Variants in TRAPPC8 observed in about 807,000 individuals in gnomAD.
TRAPPC8 encodes trafficking protein particle complex subunit 8, also known as general sporulation gene 1 homolog.
TRAPPC8 carries 54 observed loss-of-function variants against 174.3 expected under a neutral mutation model. The observed-to-expected ratio is 0.31, with a 90% CI of 0.25 to 0.39. The LOEUF is 0.39. TRAPPC8 is among the 10% of genes least tolerant of loss of function. The pLI is 1.00. For synonymous variants in TRAPPC8, 630 were observed against 579.9 expected (o/e 1.09, Z -1.24); for missense variants, 1,531 against 1,699.1 (o/e 0.90, Z 1.74).
intron 24 of TRAPPC8, 48 bp from the exon 25 acceptor site, chr18:31,849,787 G>A: frequency 6.7e-7 from 1 of 1,490,272 alleles, no homozygotes; most frequent in Non-Finnish European, 8.9e-7. Context: ...TAATTATGTT[G>A]TCAAAATTTA....
At chr18:31,875,755 T>C (rs2035110668) in intron 12 of TRAPPC8, among the ~76,000 whole-genome samples, 1 of 152,132 alleles carries the variant, frequency 6.6e-6, no homozygotes, top group African/African-American at 2.4e-5. Flanking sequence ...AGTATTGCAA[T>C]AAGAATGCAA....
Position 31,871,136 on chromosome 18 carries a change from TAAC to T in TRAPPC8, c.2063-19_2063-17del, listed in dbSNP as rs772373880. The T allele has an allele frequency of 3.2e-4, 471 of 1,485,366 alleles. No homozygotes were observed. Among genetic ancestry groups the T allele is most frequent in the Non-Finnish European group, 3.8e-4 (421 of 1,101,582 alleles). 92.0% of individuals were successfully genotyped at this position (1,485,366 alleles called of 1,614,324 possible). A position where few individuals can be genotyped will look rare whatever the true frequency, so the allele number is the denominator to read the frequency against. On this transcript the variant is annotated splice_polypyrimidine_tract_variant and intron_variant, in intron 14 of 28. Coordinates refer to ENST00000283351, the MANE Select transcript of TRAPPC8 (RefSeq NM_014939.5). Reference sequence around the variant, plus strand: ...TGTTTTTCACCTAAAAAAAATTTGTTAACAACACGTTTATGAAGACTTGCCCTC... The same window carrying T: ...TGTTTTTCACCTAAAAAAAATTTGTTAACACGTTTATGAAGACTTGCCCTC...
At position 31,923,980 on chromosome 18, in the gene TRAPPC8, C is replaced by T. The variant is rs551574193; in HGVS notation, c.353-6313G>A. 3.3e-5 allele frequency among the ~76,000 whole-genome samples: 5 copies of T among 152,022 alleles called. No individual in the cohort carries two copies. In the South Asian group the frequency reaches 1.0e-3, roughly 32 times the overall value. ...TGGCCAACATGGCAAAACTCTGCCT[C>T]TACTAAAAAAATACAAAAATTAGCC... On this transcript the variant is annotated intron_variant, in intron 2 of 28. Transcript: ENST00000283351.
rs1598699373 is a variant in TRAPPC8, at chr18:31,897,944, C to T, written c.1491-53G>A. The T allele has an allele frequency of 1.4e-5, 21 of 1,459,184 alleles. No homozygotes were observed. In the South Asian group the frequency reaches 2.4e-4, roughly 16 times the overall value. 90.4% of individuals were successfully genotyped at this position (1,459,184 alleles called of 1,614,324 possible). On this transcript the variant is annotated intron_variant, in intron 10 of 28. Transcript: ENST00000283351. Reference sequence around the variant, plus strand: ...ATAGCACAATAATACCTTAGCACATCAAAGTAAATGTGTTCAGCAAAAGAT... The same window carrying T: ...ATAGCACAATAATACCTTAGCACATTAAAGTAAATGTGTTCAGCAAAAGAT...
At chr18:31,878,092 G>T (rs1377283722) in intron 12 of TRAPPC8, among the ~76,000 whole-genome samples, 1 of 152,110 alleles carries the variant, frequency 6.6e-6, no homozygotes, top group Non-Finnish European at 1.5e-5. Flanking sequence ...CATTTTGGTG[G>T]CAGCTGCCCG....
intron 12 of TRAPPC8, among the ~76,000 whole-genome samples, chr18:31,877,397 G>A (rs1282126644): frequency 6.6e-6 from 1 of 151,928 alleles, no homozygotes; most frequent in Non-Finnish European, 1.5e-5. Context: ...CAGATCACAA[G>A]GTCAGGAGAT....
In TRAPPC8 at chr18:31,936,987, T is replaced by A. The variant is rs565171140; in HGVS notation, c.158-5464A>T. 2.4e-5 allele frequency among the ~76,000 whole-genome samples: 3 copies of A among 127,482 alleles called. No homozygotes were observed. In the South Asian group the frequency reaches 7.7e-4, roughly 33 times the overall value. 83.6% of individuals were successfully genotyped at this position (127,482 alleles called of 152,430 possible). Reference sequence around the variant, plus strand: ...CAACACTTTGGGAGGCCAAGGCGGGTGGATCACGAGGTCAGGAGATCAAGA... The same window carrying A: ...CAACACTTTGGGAGGCCAAGGCGGGAGGATCACGAGGTCAGGAGATCAAGA... On this transcript the variant is annotated intron_variant, in intron 1 of 28. Coordinates refer to ENST00000283351, the MANE Select transcript of TRAPPC8 (RefSeq NM_014939.5).
chr18:31,876,422 G>A (rs752118467), intron 12 of TRAPPC8, among the ~76,000 whole-genome samples: 2 of 142,900 alleles, frequency 1.4e-5, no homozygotes, highest in African/African-American at 2.7e-5. Context: ...CCTAGGAGGC[G>A]GAGCTTACAG....
Position 31,829,541 on chromosome 18 carries a change from C to CA in TRAPPC8, c.*1213dup, listed in dbSNP as rs2144889637. On this transcript the variant is annotated 3_prime_UTR_variant, in exon 29 of 29. Coordinates refer to ENST00000283351, the MANE Select transcript of TRAPPC8 (RefSeq NM_014939.5). ...TAAGCAGCAGTTGCAGAGAGGCACACAGACTAGCCACCCATCTCTCAAGAA... is the reference window on the plus strand; with the variant it reads ...TAAGCAGCAGTTGCAGAGAGGCACACAAGACTAGCCACCCATCTCTCAAGAA... 1 of 152,414 alleles carries CA rather than the reference C, an allele frequency of 6.6e-6. No homozygotes were observed. The highest frequency in any genetic ancestry group is 2.1e-4 in the South Asian group (1 of 4,832). 9.4% of individuals were successfully genotyped at this position (152,414 alleles called of 1,614,324 possible). A position where few individuals can be genotyped will look rare whatever the true frequency, so the allele number is the denominator to read the frequency against.
At position 31,834,001 on chromosome 18, in the gene TRAPPC8, C is replaced by CAAAAAAAA. The variant is rs35469149; in HGVS notation, c.3984-1836_3984-1829dup. On this transcript the variant is annotated intron_variant, in intron 27 of 28. Transcript: ENST00000283351. ...TGGGTGACAGAGCAAGACTCCGTCT[C>CAAAAAAAA]AAAAAAAAAAAACAAAAAACAGAAA... Among the ~76,000 whole-genome samples, 28 of 101,124 alleles carry CAAAAAAAA rather than the reference C, an allele frequency of 2.8e-4. 1 individual carries two copies. Among genetic ancestry groups the CAAAAAAAA allele is most frequent in the African/African-American group, 1.2e-3 (27 of 22,328 alleles). The allele number at this position is 101,124 out of a possible 152,430, so 66.3% of individuals were successfully genotyped here.
At chr18:31,866,813 A>C (rs762396880) in intron 18 of TRAPPC8, 36 bp downstream of exon 18, 255 of 1,596,550 alleles carry the variant, frequency 1.6e-4, no homozygotes, top group Non-Finnish European at 2.1e-4. Context: ...GATTTAAGAA[A>C]GTTTTCTAAT....
At chr18:31,833,894 C>T (rs1483422885) in intron 27 of TRAPPC8, among the ~76,000 whole-genome samples, 1 of 148,018 alleles carries the variant, frequency 6.8e-6, no homozygotes, top group African/African-American at 2.5e-5. Flanking sequence ...CCCAGTTACT[C>T]GGGAGGCTGA....
At chr18:31,880,101 ATATATATATATATATATATATTT>A (rs2035359310) in intron 12 of TRAPPC8, among the ~76,000 whole-genome samples, 1 of 83,930 alleles carries the variant, frequency 1.2e-5, no homozygotes, top group African/African-American at 4.9e-5. Flanking sequence ...ATATATATAT[ATATATATATATATATATATATTT>A]TTTTTTTTTT....
intron 12 of TRAPPC8, among the ~76,000 whole-genome samples, chr18:31,889,108 T>C (rs949690851): frequency 3.9e-5 from 6 of 152,142 alleles, no homozygotes; most frequent in Admixed American, 3.3e-4. Context: ...TTCCACAAAC[T>C]GTACTGTTTT....
intron 11 of TRAPPC8, among the ~76,000 whole-genome samples, chr18:31,893,402 T>TGC (rs71177803): frequency 7.6e-4 from 105 of 138,348 alleles, no homozygotes; most frequent in Admixed American, 2.4e-3. Context: ...TGTGTGTGTG[T>TGC]GCGCGCGCGC....
rs763812687 is a variant in TRAPPC8, at chr18:31,846,723, T to G, written c.3830A>C (p.Gln1277Pro). The G allele has an allele frequency of 1.9e-6, 3 of 1,608,606 alleles. No individual in the cohort carries two copies. The African/African-American group carries it at 4.0e-5, about 22-fold the overall frequency. The change falls in exon 26 of 29, where the codon CAG becomes CCG. Residue 1277 changes from glutamine to proline, a missense_variant. Transcript: ENST00000283351. ...AGCAAACTATGTTATCACCTGTTTC[T>G]GAGGATATGAAAAGGCTTCTTTTCC... ...TIGKEAFSYP[Q>P]KQEPPEMELL... is the part of the protein sequence containing the mutation.
At chr18:31,886,561 AG>A (rs2035728552) in intron 12 of TRAPPC8, among the ~76,000 whole-genome samples, 1 of 152,220 alleles carries the variant, frequency 6.6e-6, no homozygotes, top group South Asian at 2.1e-4. Flanking sequence ...AAGAACACAA[AG>A]GTTGTCTAAT....
At chr18:31,845,612 A>G (rs1396430404) in intron 26 of TRAPPC8, among the ~76,000 whole-genome samples, 1 of 152,328 alleles carries the variant, frequency 6.6e-6, no homozygotes, top group African/African-American at 2.4e-5. Flanking sequence ...ACATATGTAA[A>G]TAACAACAAA....
At chr18:31,882,374 C>CT (rs2035497111) in intron 12 of TRAPPC8, among the ~76,000 whole-genome samples, 1 of 152,062 alleles carries the variant, frequency 6.6e-6, no homozygotes, top group Non-Finnish European at 1.5e-5. Flanking sequence ...AATAGGCATG[C>CT]TCTCACTTAT....
Sources: allele counts gnomAD v4.1 joint callset (sites outside exome capture counted in the v4.1 genomes callset), GRCh38; gene constraint gnomAD v4.1.1; transcripts MANE v1.5; gene names NCBI Gene and HGNC (gene_info 2026-07-23, HGNC 2026-07-21).